Variants in HERC6 observed in about 807,000 individuals in gnomAD.
HERC6 encodes probable E3 ubiquitin-protein ligase HERC6.
HERC6 carries 101 observed loss-of-function variants against 114.5 expected under a neutral mutation model. The observed-to-expected ratio is 0.88, with a 90% CI of 0.75 to 1.04. The LOEUF is 1.04. HERC6 is among the 50% of genes least tolerant of loss of function. The pLI is 0.00. For missense variants in HERC6, 1,133 were observed against 1,230.9 expected, an observed-to-expected ratio of 0.92 and a Z score of 1.19; for synonymous variants, 408 against 436.2, an observed-to-expected ratio of 0.94 and a Z score of 0.81.
At chr4:88,379,689 TATATAATATATAA>T (rs1204762903) in intron 1 of HERC6, among the ~76,000 whole-genome samples, 17 of 99,166 alleles carry the variant, frequency 1.7e-4, no homozygotes, top group African/African-American at 7.5e-4. Flanking sequence ...TATATACAAA[TATATAATATATAA>T]ATATATAATA....
At chr4:88,379,768 T>C (rs1173387063) in intron 1 of HERC6, among the ~76,000 whole-genome samples, 9 of 96,414 alleles carry the variant, frequency 9.3e-5, no homozygotes, top group African/African-American at 3.5e-4. Flanking sequence ...ATATATATAA[T>C]ATATAAATAT....
intron 8 of HERC6, among the ~76,000 whole-genome samples, chr4:88,400,101 G>T (rs1180344027): frequency 1.3e-5 from 2 of 152,188 alleles, no homozygotes; most frequent in Admixed American, 6.5e-5. Context: ...TGTGAGGGGG[G>T]ACCCATCTGA....
intron 2 of HERC6, among the ~76,000 whole-genome samples, chr4:88,384,232 A>C (rs1214804008): frequency 6.6e-6 from 1 of 152,184 alleles, no homozygotes; most frequent in Non-Finnish European, 1.5e-5. Flanking sequence ...TTAAGGTGAC[A>C]TATATAAAAC....
At chr4:88,416,739 G>A (rs1280004674) in intron 12 of HERC6, among the ~76,000 whole-genome samples, 1 of 151,930 alleles carries the variant, frequency 6.6e-6, no homozygotes, top group African/African-American at 2.4e-5. Flanking sequence ...AATATGCAAT[G>A]CCGCATTTAT....
At chr4:88,424,849 C>A in intron 15 of HERC6, 147 bp downstream of exon 15, 1 of 598,192 alleles carries the variant, frequency 1.7e-6, no homozygotes, top group East Asian at 3.0e-5. Context: ...GTTGTTGTTA[C>A]TGTTTTTGCT....
chr4:88,434,375 C>CT (rs1316568870), intron 17 of HERC6, among the ~76,000 whole-genome samples: 120 of 152,164 alleles, frequency 7.9e-4, no homozygotes, highest in Non-Finnish European at 8.8e-5. Context: ...ACCATGAAGG[C>CT]TTTAGGGCAC....
chr4:88,421,555 C>T (rs1446142340), intron 13 of HERC6, among the ~76,000 whole-genome samples: 1 of 151,232 alleles, frequency 6.6e-6, no homozygotes, highest in Non-Finnish European at 1.5e-5. Context: ...TCAAGCGATT[C>T]TCCTGCCTTA....
intron 13 of HERC6, among the ~76,000 whole-genome samples, chr4:88,418,214 C>T (rs748966736): frequency 4.6e-5 from 7 of 152,152 alleles, no homozygotes; most frequent in Non-Finnish European, 4.4e-5. Flanking sequence ...CATGTCTTCA[C>T]CTGGACAGTA....
chr4:88,386,347 AG>A (rs1428742832), intron 3 of HERC6, among the ~76,000 whole-genome samples: 1 of 151,862 alleles, frequency 6.6e-6, no homozygotes, highest in Non-Finnish European at 1.5e-5. Context: ...CTGGGATCAC[AG>A]GTGTGCGCCA....
chr4:88,414,985 C>T (rs1736353299), intron 12 of HERC6, among the ~76,000 whole-genome samples: 1 of 152,070 alleles, frequency 6.6e-6, no homozygotes. Context: ...TATCAGCATA[C>T]CACTGCACTC....
intron 22 of HERC6, chr4:88,440,495 AT>A (rs942178172): frequency 7.1e-6 from 3 of 420,414 alleles, no homozygotes; most frequent in African/African-American, 6.1e-5. Context: ...TGAGTTGCTG[AT>A]CTGTGGTGAA....
intron 3 of HERC6, 96 bp from the exon 4 acceptor site, chr4:88,390,556 T>A (rs1330262268): frequency 1.7e-6 from 2 of 1,150,874 alleles, no homozygotes; most frequent in African/African-American, 3.1e-5. Context: ...TTATCCCTCA[T>A]TAAAGCCACA....
At chr4:88,379,172 G>C in intron 1 of HERC6, 52 bp downstream of exon 1, 1 of 1,384,946 alleles carries the variant, frequency 7.2e-7, no homozygotes, top group Non-Finnish European at 9.6e-7. Context: ...ACATGGGCGC[G>C]GGGGCTTGGG....
At position 88,383,224 on chromosome 4, in the gene HERC6, C is replaced by T. The variant is rs1222294502; in HGVS notation, c.203C>T (p.Pro68Leu). The change falls in exon 2 of 23, where the codon CCA (proline) becomes CTA (leucine). Residue 68 changes from proline to leucine, a missense_variant. By Grantham distance (98) the Pro-to-Leu change is moderately conservative (BLOSUM62 -3). This residue lies in a region of HERC6 where 735 missense variants were observed against 754.0 expected (regional missense o/e 0.97). Transcript: ENST00000264346. ...TGTTTTGTTTTGTTTCCCAAAGAAC[C>T]AATTCAGGCATTGGAAACCCTAATT... is the stretch of plus-strand genomic sequence containing the variant. Reference protein sequence around the residue: ...RGAQRGELPEPIQALETLIVD... With the variant: ...RGAQRGELPELIQALETLIVD... The T allele has an allele frequency of 6.2e-7, 1 of 1,609,850 alleles. No individual in the cohort carries two copies. Among genetic ancestry groups the T allele is most frequent in the Admixed American group, 1.7e-5 (1 of 59,406 alleles).
At chr4:88,386,421 G>C (rs1578369274) in intron 3 of HERC6, among the ~76,000 whole-genome samples, 1 of 152,002 alleles carries the variant, frequency 6.6e-6, no homozygotes, top group South Asian at 2.1e-4. Flanking sequence ...GGCCAGGCTG[G>C]TCTCGAACTC....
rs968799039 is a variant in HERC6 at position 88,378,974 on chromosome 4, C to T, written c.53C>T (p.Ala18Val). ...DSRELQRRRT[A>V]GSPGAELLQA... Reference sequence around the variant, plus strand: ...AGGGAGCTGCAGCGCCGGAGGACGGCGGGCAGCCCCGGGGCTGAGCTACTG... The same window carrying T: ...AGGGAGCTGCAGCGCCGGAGGACGGTGGGCAGCCCCGGGGCTGAGCTACTG... Residue 18 changes from alanine to valine, a missense_variant, in exon 1 of 23, where the codon GCG (alanine) becomes GTG (valine). Coordinates refer to ENST00000264346, the MANE Select transcript of HERC6 (RefSeq NM_017912.4). 26 of 1,583,316 alleles carry T rather than the reference C, an allele frequency of 1.6e-5. No individual in the cohort carries two copies. Among genetic ancestry groups the T allele is most frequent in the Non-Finnish European group, 2.1e-5 (24 of 1,166,300 alleles).
At chr4:88,396,264 T>C in intron 6 of HERC6, 122 bp downstream of exon 6, 1 of 708,884 alleles carries the variant, frequency 1.4e-6, no homozygotes, top group Admixed American at 4.0e-5. Context: ...AATTTACTTA[T>C]TTCAAATATA....
chr4:88,430,367 G>T (rs190932035), intron 16 of HERC6, among the ~76,000 whole-genome samples: 1 of 151,786 alleles, frequency 6.6e-6, no homozygotes, highest in East Asian at 1.9e-4. Flanking sequence ...CAAGGTGGGC[G>T]GATTACCAGC....
At chr4:88,428,359 C>A (rs980585091) in intron 15 of HERC6, among the ~76,000 whole-genome samples, 1 of 152,184 alleles carries the variant, frequency 6.6e-6, no homozygotes, top group Non-Finnish European at 1.5e-5. Context: ...ATCTCCTGTA[C>A]ACAATTCCTA....
Sources: allele counts gnomAD v4.1 joint callset (sites outside exome capture counted in the v4.1 genomes callset), GRCh38; gene constraint gnomAD v4.1.1; regional missense constraint gnomAD v4.1.1; transcripts MANE v1.5; gene names NCBI Gene and HGNC (gene_info 2026-07-23, HGNC 2026-07-21).